The following ARL13B variants were observed in gnomAD, a reference collection of about 807,000 sequenced individuals.
ARL13B encodes ADP-ribosylation factor-like protein 13B.
In ARL13B, 36 loss-of-function variants were observed where a neutral mutation model predicts 56.1. That is an observed-to-expected ratio of 0.64 (90% confidence interval 0.49 to 0.85). The LOEUF (loss-of-function observed/expected upper bound fraction) is 0.85, where lower values mean the gene tolerates loss of function less well. Among genes scored for constraint, ARL13B ranks in the 40% least tolerant of loss-of-function variants. The pLI is 0.00. For missense variants in ARL13B, 519 were observed against 507.1 expected (o/e 1.02, Z -0.23); for synonymous variants, 178 against 171.1 (o/e 1.04, Z -0.32).
At chr3:94,014,927 C>A in intron 3 of ARL13B, 3 of 1,613,544 alleles carry the variant, frequency 1.9e-6, no homozygotes, top group Non-Finnish European at 2.5e-6. Context: ...TTTTTAACTT[C>A]TTTAACTAAA....
In ARL13B at chr3:94,043,021, G is replaced by A. The variant is rs2076888674; in HGVS notation, c.805G>A (p.Gly269Arg). 1 of 1,605,856 alleles carries A rather than the reference G, an allele frequency of 6.2e-7. No individual in the cohort carries two copies. The highest frequency in any genetic ancestry group is 1.3e-5 in the African/African-American group (1 of 74,372). The stretch of plus-strand genomic sequence containing the variant: ...GTATTTTATTTTTTGTTAGAATGAA[G>A]GAAAACTTGAAAGAGAGAAAAAAAA... The part of the protein sequence containing the change: ...PIASVIIENE[G>R]KLEREKKNQK... Residue 269 changes from glycine (G) to arginine (R), a missense_variant, in exon 7 of 10, where the codon GGA becomes AGA. Physicochemically the swap from Gly to Arg is moderately radical, Grantham distance 125 (BLOSUM62 -2). Coordinates refer to ENST00000394222, the MANE Select transcript of ARL13B (RefSeq NM_001174150.2).
chr3:94,011,371 T>G (rs2076222080), intron 3 of ARL13B, among the ~76,000 whole-genome samples: 1 of 152,158 alleles, frequency 6.6e-6, no homozygotes, highest in Non-Finnish European at 1.5e-5. Context: ...GGTTATCTTC[T>G]TATCTTTCTT....
At chr3:94,022,348 A>G (rs1304600429) in intron 3 of ARL13B, among the ~76,000 whole-genome samples, 1 of 150,836 alleles carries the variant, frequency 6.6e-6, no homozygotes, top group Non-Finnish European at 1.5e-5. Flanking sequence ...CTGGTCTTGA[A>G]CTCCTAACCT....
At chr3:94,015,267 CAT>C in intron 3 of ARL13B, 1 of 1,530,960 alleles carries the variant, frequency 6.5e-7, no homozygotes, top group South Asian at 1.3e-5. Flanking sequence ...GTCGGTCTTT[CAT>C]CTTCCCTTTC....
intron 1 of ARL13B, among the ~76,000 whole-genome samples, chr3:93,994,505 A>G (rs1226313029): frequency 1.3e-5 from 2 of 149,654 alleles, no homozygotes; most frequent in East Asian, 4.0e-4. Context: ...TCGTATTATT[A>G]GTGTCTGTCT....
chr3:94,011,349 T>C (rs1045833077), intron 3 of ARL13B, among the ~76,000 whole-genome samples: 1 of 152,144 alleles, frequency 6.6e-6, no homozygotes, highest in East Asian at 1.9e-4. Context: ...ATTAAAGTTA[T>C]CATAACTGCC....
Position 94,053,441 on chromosome 3 carries a change from G to T in ARL13B, c.*178G>T, listed in dbSNP as rs1016407788. 5.6e-6 allele frequency: 4 copies of T among 714,148 alleles called. No individual in the cohort carries two copies. Among genetic ancestry groups the T allele is most frequent in the Non-Finnish European group, 1.0e-5 (4 of 401,990 alleles). The allele number at this position is 714,148 out of a possible 1,614,324, so 44.2% of individuals were successfully genotyped here. On this transcript the variant is annotated 3_prime_UTR_variant, in exon 10 of 10. Coordinates refer to ENST00000394222, the MANE Select transcript of ARL13B (RefSeq NM_001174150.2). The stretch of plus-strand genomic sequence containing the variant: ...TAATTACTTATTTGTGTTTTTCATG[G>T]TTAAAAAAATAAAAGAAGCACAATG...
chr3:94,005,096 A>G (rs1396798255), intron 3 of ARL13B, among the ~76,000 whole-genome samples: 1 of 152,172 alleles, frequency 6.6e-6, no homozygotes, highest in Non-Finnish European at 1.5e-5. Context: ...CATTAATTCA[A>G]CAAATATTTA....
intron 3 of ARL13B, among the ~76,000 whole-genome samples, chr3:94,006,466 C>G (rs1300034744): frequency 6.6e-6 from 1 of 151,972 alleles, no homozygotes; most frequent in Admixed American, 6.6e-5. Context: ...TCGTTTGAAT[C>G]TCTTCACTAC....
At chr3:94,007,703 A>G (rs1269334440) in intron 3 of ARL13B, among the ~76,000 whole-genome samples, 2 of 152,174 alleles carry the variant, frequency 1.3e-5, no homozygotes, top group South Asian at 2.1e-4. Flanking sequence ...CCCACAACAC[A>G]GAATTATGAG....
At chr3:94,033,024 A>C (rs969962234) in intron 3 of ARL13B, among the ~76,000 whole-genome samples, 1 of 152,256 alleles carries the variant, frequency 6.6e-6, no homozygotes. Context: ...ATATACATAC[A>C]TAAAATGGAA....
chr3:94,014,293 G>T, intron 3 of ARL13B: 2 of 1,098,056 alleles, frequency 1.8e-6, no homozygotes, highest in South Asian at 2.0e-5. Context: ...AGGTATGTGA[G>T]TGGATCCATG....
chr3:94,011,776 T>C (rs1199192874), intron 3 of ARL13B, among the ~76,000 whole-genome samples: 1 of 152,118 alleles, frequency 6.6e-6, no homozygotes, highest in Non-Finnish European at 1.5e-5. Context: ...ATCCTTTCAC[T>C]CTACATATCT....
At chr3:94,007,111 G>A (rs1432400794) in intron 3 of ARL13B, among the ~76,000 whole-genome samples, 2 of 152,072 alleles carry the variant, frequency 1.3e-5, no homozygotes, top group African/African-American at 2.4e-5. Flanking sequence ...TTGAGGTAAC[G>A]CACAGTGCCT....
At chr3:94,052,575 T>C (rs548872209) in intron 9 of ARL13B, among the ~76,000 whole-genome samples, 2 of 152,132 alleles carry the variant, frequency 1.3e-5, no homozygotes, top group Non-Finnish European at 2.9e-5. Context: ...ATTAGGTTTA[T>C]GTGCATTGAG....
intron 2 of ARL13B, among the ~76,000 whole-genome samples, chr3:93,996,147 A>G (rs539644423): frequency 6.6e-6 from 1 of 152,346 alleles, no homozygotes; most frequent in African/African-American, 2.4e-5. Flanking sequence ...ATTTGAATAC[A>G]TGCAGAGATG....
At chr3:94,027,427 A>G (rs1377616491) in intron 3 of ARL13B, among the ~76,000 whole-genome samples, 3 of 152,214 alleles carry the variant, frequency 2.0e-5, no homozygotes, top group Middle Eastern at 3.4e-3. Context: ...CTTGTATAAC[A>G]ACATTAAGAT....
chr3:94,033,790 G>A (rs1453443488), intron 3 of ARL13B, among the ~76,000 whole-genome samples: 1 of 152,056 alleles, frequency 6.6e-6, no homozygotes, highest in African/African-American at 2.4e-5. Context: ...CACCACCTAC[G>A]AAGTATGCTT....
At chr3:94,051,910 A>T (rs544218411) in intron 9 of ARL13B, among the ~76,000 whole-genome samples, 4 of 152,132 alleles carry the variant, frequency 2.6e-5, no homozygotes, top group Non-Finnish European at 5.9e-5. Context: ...CGTTAGTGAA[A>T]ATTCATGAAT....
Sources: allele counts gnomAD v4.1 joint callset (sites outside exome capture counted in the v4.1 genomes callset), GRCh38; gene constraint gnomAD v4.1.1; transcripts MANE v1.5; gene names NCBI Gene and HGNC (gene_info 2026-07-23, HGNC 2026-07-21).